Variants in SMCHD1 observed in about 807,000 individuals in gnomAD.
The protein encoded by SMCHD1 is structural maintenance of chromosomes flexible hinge domain containing 1, also known as structural maintenance of chromosomes flexible hinge domain-containing protein 1.
A neutral mutation model predicts 254.7 loss-of-function variants in SMCHD1; 78 were observed. The observed-to-expected ratio is 0.31, with a 90% CI of 0.26 to 0.37. The LOEUF (loss-of-function observed/expected upper bound fraction) is 0.37. Among genes scored for constraint, SMCHD1 ranks in the 10% least tolerant of loss-of-function variants. The probability of loss-of-function intolerance (pLI) is 1.00; values close to 1 mark genes in which losing one functional copy is unlikely to be tolerated. For missense variants in SMCHD1, 1,840 were observed against 2,408.1 expected, an observed-to-expected ratio of 0.76 and a Z score of 4.94; for synonymous variants, 766 against 794.9, an observed-to-expected ratio of 0.96 and a Z score of 0.61.
At chr18:2,726,570 T>A (rs1366938993) in intron 22 of SMCHD1, 46 bp downstream of exon 22, 1 of 970,260 alleles carries the variant, frequency 1.0e-6, no homozygotes, top group Non-Finnish European at 1.5e-6. Context: ...AATTTTCTTA[T>A]GTTAAAGTAT....
chr18:2,724,528 G>T (rs2143421013), intron 20 of SMCHD1, among the ~76,000 whole-genome samples: 1 of 152,136 alleles, frequency 6.6e-6, no homozygotes, highest in East Asian at 1.9e-4. Context: ...CATGGTAAAT[G>T]CTGAGGACAT....
intron 1 of SMCHD1, among the ~76,000 whole-genome samples, chr18:2,664,011 G>C (rs188840344): frequency 6.6e-6 from 1 of 152,140 alleles, no homozygotes; most frequent in Admixed American, 6.5e-5. Context: ...CACCGCGCCC[G>C]GCCTATTCCA....
chr18:2,764,883 A>C (rs2075841623), intron 37 of SMCHD1, among the ~76,000 whole-genome samples: 1 of 152,176 alleles, frequency 6.6e-6, no homozygotes, highest in South Asian at 2.1e-4. Flanking sequence ...TTAAGAAATT[A>C]CTAGAAGCAG....
At chr18:2,747,728 T>C in intron 30 of SMCHD1, 81 bp downstream of exon 30, 2 of 1,107,252 alleles carry the variant, frequency 1.8e-6, no homozygotes, top group Middle Eastern at 2.4e-4. Flanking sequence ...GTCATATTGC[T>C]TCTTTTCTAA....
rs1598283290 is a variant in SMCHD1, at chr18:2,666,301, C to T, written c.262+69C>T. ...AGGTTTAGTACATATATAGCAATAA[C>T]TTTTATTAGATATGCATCTAAATCT... On this transcript the variant is annotated intron_variant, in intron 2 of 47. Transcript: ENST00000320876. 4.3e-6 allele frequency: 3 copies of T among 703,790 alleles called. 1 individual carries two copies. Among genetic ancestry groups the T allele is most frequent in the South Asian group, 4.1e-5 (2 of 48,426 alleles). The allele number at this position is 703,790 out of a possible 1,614,324, so 43.6% of individuals were successfully genotyped here.
At chr18:2,697,397 T>G (rs2074307465) in intron 9 of SMCHD1, among the ~76,000 whole-genome samples, 1 of 152,206 alleles carries the variant, frequency 6.6e-6, no homozygotes, top group Non-Finnish European at 1.5e-5. Flanking sequence ...TCTTGAAGCA[T>G]GGAGGAAAAG....
At chr18:2,783,028 A>C (rs1034809730) in intron 44 of SMCHD1, among the ~76,000 whole-genome samples, 1 of 152,190 alleles carries the variant, frequency 6.6e-6, no homozygotes, top group African/African-American at 2.4e-5. Context: ...TCTTGTATTT[A>C]TATAATTCAG....
At chr18:2,779,889 A>G (rs1451483488) in intron 44 of SMCHD1, among the ~76,000 whole-genome samples, 1 of 152,208 alleles carries the variant, frequency 6.6e-6, no homozygotes, top group Non-Finnish European at 1.5e-5. Flanking sequence ...TTACTAATTT[A>G]TGGCAGAGCT....
chr18:2,771,683 T>C, intron 40 of SMCHD1, 65 bp downstream of exon 40: 8 of 1,288,542 alleles, frequency 6.2e-6, no homozygotes, highest in East Asian at 2.7e-5. Flanking sequence ...TTCTCAATTA[T>C]TCAGTTTTTA....
At chr18:2,750,624 A>C in intron 32 of SMCHD1, 117 bp downstream of exon 32, 1 of 745,216 alleles carries the variant, frequency 1.3e-6, no homozygotes, top group South Asian at 2.8e-5. Context: ...ACAGGGAAGC[A>C]AATGATTTCA....
chr18:2,674,197 G>A, intron 5 of SMCHD1, 52 bp downstream of exon 5: 1 of 1,484,268 alleles, frequency 6.7e-7, no homozygotes, highest in Non-Finnish European at 9.0e-7. Context: ...ATTTTAGTAA[G>A]GATAAAAAAC....
intron 3 of SMCHD1, among the ~76,000 whole-genome samples, chr18:2,669,860 C>G (rs2073547525): frequency 6.6e-6 from 1 of 152,192 alleles, no homozygotes; most frequent in Non-Finnish European, 1.5e-5. Flanking sequence ...TCCTGCTGCA[C>G]AGGCCAAAAA....
At chr18:2,721,233 TACTC>T (rs887065502) in intron 19 of SMCHD1, among the ~76,000 whole-genome samples, 1 of 152,168 alleles carries the variant, frequency 6.6e-6, no homozygotes, top group Non-Finnish European at 1.5e-5. Context: ...CAGTTACACT[TACTC>T]ATATGTTCTT....
At chr18:2,765,098 ATTG>A (rs1237325709) in intron 37 of SMCHD1, among the ~76,000 whole-genome samples, 1 of 152,130 alleles carries the variant, frequency 6.6e-6, no homozygotes, top group Non-Finnish European at 1.5e-5. Context: ...TCTTTCTAAG[ATTG>A]TTTACCGACC....
In SMCHD1 at chr18:2,708,915, T is replaced by TATATATAAC. The variant is rs1568199419; in HGVS notation, c.2260+996_2260+997insTATATAACA. Among the ~76,000 whole-genome samples, 327 of 90,424 alleles carry TATATATAAC rather than the reference T, an allele frequency of 3.6e-3. 22 individuals are homozygous for TATATATAAC. Among genetic ancestry groups the TATATATAAC allele is most frequent in the South Asian group, 5.6e-3 (13 of 2,322 alleles). 59.3% of individuals were successfully genotyped at this position (90,424 alleles called of 152,430 possible). A position where few individuals can be genotyped will look rare whatever the true frequency, so the allele number is the denominator to read the frequency against. ...ATATATATATATATATATAACATAT[T>TATATATAAC]AACATGAAATTTATGAAGTGGCATT... On this transcript the variant is annotated intron_variant, in intron 17 of 47. Coordinates refer to ENST00000320876, the MANE Select transcript of SMCHD1 (RefSeq NM_015295.3).
At chr18:2,669,944 C>T (rs985965590) in intron 3 of SMCHD1, among the ~76,000 whole-genome samples, 3 of 152,208 alleles carry the variant, frequency 2.0e-5, no homozygotes, top group Non-Finnish European at 2.9e-5. Context: ...GTCCTATTCT[C>T]AATGTTTTAT....
chr18:2,770,902 GTT>G (rs1491148727), intron 39 of SMCHD1, among the ~76,000 whole-genome samples: 19 of 152,266 alleles, frequency 1.2e-4, no homozygotes, highest in South Asian at 6.2e-4. Flanking sequence ...GATTACAGGT[GTT>G]AGCCACCACA....
intron 1 of SMCHD1, among the ~76,000 whole-genome samples, chr18:2,662,175 A>AT (rs1423934189): frequency 0.029 from 2,854 of 98,956 alleles, 197 homozygotes; most frequent in African/African-American, 0.098. Flanking sequence ...CAAAAAAAAA[A>AT]AAATAAAATA....
intron 7 of SMCHD1, among the ~76,000 whole-genome samples, chr18:2,690,251 A>G (rs1217662428): frequency 1.3e-5 from 2 of 152,204 alleles, no homozygotes; most frequent in Non-Finnish European, 2.9e-5. Flanking sequence ...GTATTTCCCC[A>G]TTATAAAATA....
Sources: allele counts gnomAD v4.1 joint callset (sites outside exome capture counted in the v4.1 genomes callset), GRCh38; gene constraint gnomAD v4.1.1; transcripts MANE v1.5; gene names NCBI Gene and HGNC (gene_info 2026-07-23, HGNC 2026-07-21).